Variants in COL4A2 observed in about 807,000 individuals in gnomAD.
COL4A2 encodes collagen alpha-2(IV) chain.
COL4A2 carries 99 observed loss-of-function variants against 200.2 expected under a neutral mutation model. The ratio of observed to expected loss-of-function variants is 0.49; its 90% confidence interval spans 0.42 to 0.58. The LOEUF is 0.58. Ranked by LOEUF, COL4A2 falls within the 20% of genes least tolerant of loss-of-function variation. The pLI, the probability that COL4A2 is intolerant of heterozygous loss-of-function variation, is 0.00. For synonymous variants in COL4A2, 897 were observed against 900.6 expected (o/e 1.00, Z 0.07); for missense variants, 1,950 against 2,314.1 (o/e 0.84, Z 3.23).
At chr13:110,326,950 G>A (rs1444587291) in intron 3 of COL4A2, among the ~76,000 whole-genome samples, 3 of 152,210 alleles carry the variant, frequency 2.0e-5, no homozygotes, top group African/African-American at 4.8e-5. Flanking sequence ...GCTTGGCTTC[G>A]TGATAAGCCT....
Position 110,432,374 on chromosome 13 carries a change from G to A in COL4A2, c.684+14G>A. ...AAAGGACAGCAAGTAAGTTGGTTTT[G>A]GGGGGTGAGGATGAGGGAAGGGGGT... is the stretch of plus-strand genomic sequence containing the variant. On this transcript the variant is annotated intron_variant, in intron 11 of 47. Transcript: ENST00000360467. The A allele has an allele frequency of 6.2e-7, 1 of 1,602,938 alleles. No individual in the cohort carries two copies. The highest frequency in any genetic ancestry group is 8.5e-7 in the Non-Finnish European group (1 of 1,174,886).
chr13:110,448,100 C>G (rs1283152920), intron 18 of COL4A2, among the ~76,000 whole-genome samples: 3 of 152,172 alleles, frequency 2.0e-5, no homozygotes, highest in African/African-American at 7.2e-5. Context: ...CTGGCATTTC[C>G]TGCCTCATCC....
At chr13:110,490,122 C>T (rs982110685) in intron 36 of COL4A2, among the ~76,000 whole-genome samples, 5 of 152,158 alleles carry the variant, frequency 3.3e-5, no homozygotes, top group Admixed American at 1.3e-4. Context: ...GGGCGTGCAG[C>T]AGGTGGTCGC....
chr13:110,352,005 G>A (rs544594653), intron 3 of COL4A2, among the ~76,000 whole-genome samples: 2 of 152,300 alleles, frequency 1.3e-5, no homozygotes, highest in East Asian at 3.9e-4. Flanking sequence ...AAGTTGGGGA[G>A]CACAGCAGTG....
intron 24 of COL4A2, among the ~76,000 whole-genome samples, chr13:110,463,934 T>C (rs1028760844): frequency 6.6e-6 from 1 of 152,162 alleles, no homozygotes; most frequent in Non-Finnish European, 1.5e-5. Context: ...GCAACAGGGT[T>C]AAATAAGAGG....
chr13:110,358,077 T>C (rs1316847279), intron 4 of COL4A2, among the ~76,000 whole-genome samples: 4 of 152,252 alleles, frequency 2.6e-5, no homozygotes, highest in Non-Finnish European at 5.9e-5. Flanking sequence ...CTTTATAAAC[T>C]GTTAAACTTT....
At chr13:110,471,176 A>C (rs1194311161) in intron 28 of COL4A2, among the ~76,000 whole-genome samples, 1 of 152,222 alleles carries the variant, frequency 6.6e-6, no homozygotes, top group Non-Finnish European at 1.5e-5. Context: ...TGAGTATGAA[A>C]GTTCTCTGGT....
intron 4 of COL4A2, among the ~76,000 whole-genome samples, chr13:110,366,724 G>C (rs917195096): frequency 3.3e-5 from 5 of 152,178 alleles, no homozygotes; most frequent in African/African-American, 1.2e-4. Flanking sequence ...GACATGGTTA[G>C]TGTCCTTCAT....
intron 29 of COL4A2, among the ~76,000 whole-genome samples, chr13:110,474,127 AAAAAGAAAAG>A (rs10535281): frequency 2.6e-5 from 4 of 151,100 alleles, no homozygotes; most frequent in Non-Finnish European, 5.9e-5. Context: ...ACTCTGTCTC[AAAAAGAAAAG>A]AAAAGAAAAG....
At position 110,342,992 on chromosome 13, in the gene COL4A2, G is replaced by C. The variant is rs374963484; in HGVS notation, c.100-14480G>C. On this transcript the variant is annotated intron_variant, in intron 3 of 47. Coordinates refer to ENST00000360467, the MANE Select transcript of COL4A2 (RefSeq NM_001846.4). ...CTGGCTCCTAAAATTTCACACTCAGGAGACTCTAAAAATCGTGCTCAAACC... is the reference window on the plus strand; with the variant it reads ...CTGGCTCCTAAAATTTCACACTCAGCAGACTCTAAAAATCGTGCTCAAACC... 1.7e-4 allele frequency among the ~76,000 whole-genome samples: 26 copies of C among 152,248 alleles called. No individual in the cohort carries two copies. The East Asian group carries it at 2.9e-3, about 17-fold the overall frequency.
intron 4 of COL4A2, among the ~76,000 whole-genome samples, chr13:110,423,782 G>A (rs748376640): frequency 1.8e-4 from 27 of 152,102 alleles, no homozygotes; most frequent in African/African-American, 5.6e-4. Context: ...GGATTTGAGC[G>A]TGCTAGGGAC....
At chr13:110,495,207 G>A in intron 39 of COL4A2, 135 bp from the exon 40 acceptor site, 1 of 996,976 alleles carries the variant, frequency 1.0e-6, no homozygotes, top group East Asian at 2.4e-5. Flanking sequence ...GCCATATATT[G>A]CAATGCAAGC....
chr13:110,367,147 G>A (rs1338587739), intron 4 of COL4A2, among the ~76,000 whole-genome samples: 3 of 152,310 alleles, frequency 2.0e-5, no homozygotes, highest in African/African-American at 4.8e-5. Flanking sequence ...AGCTTCCTGC[G>A]AAGCCACTGT....
chr13:110,354,252 G>T (rs1877092404), intron 3 of COL4A2, among the ~76,000 whole-genome samples: 1 of 152,192 alleles, frequency 6.6e-6, no homozygotes, highest in Non-Finnish European at 1.5e-5. Context: ...TGGGTCAACT[G>T]AGGACCTCTG....
intron 3 of COL4A2, among the ~76,000 whole-genome samples, chr13:110,316,078 T>C (rs1885122036): frequency 6.6e-6 from 1 of 152,226 alleles, no homozygotes; most frequent in African/African-American, 2.4e-5. Context: ...TTCCTAGGGA[T>C]TGTTTCAACC....
rs1300224707 is a variant in COL4A2 at position 110,432,428 on chromosome 13, T to G, written c.684+68T>G. 5 of 1,523,470 alleles carry G rather than the reference T, an allele frequency of 3.3e-6. No homozygotes were observed. In the East Asian group the frequency reaches 7.0e-5, roughly 21 times the overall value. 94.4% of individuals were successfully genotyped at this position (1,523,470 alleles called of 1,614,324 possible). ...TAGGTGTTTGTGGGTTTGTTTGTTT[T>G]TTACCATAAAACTTCTTGGTTGGCA... On this transcript the variant is annotated intron_variant, in intron 11 of 47. Transcript: ENST00000360467.
intron 32 of COL4A2, among the ~76,000 whole-genome samples, chr13:110,483,095 T>C (rs1882990256): frequency 6.6e-6 from 1 of 152,160 alleles, no homozygotes; most frequent in Non-Finnish European, 1.5e-5. Context: ...GGTCCACACA[T>C]GAGGTGGGTT....
intron 20 of COL4A2, among the ~76,000 whole-genome samples, chr13:110,452,533 A>G (rs56688234): frequency 0.39 from 59,187 of 152,134 alleles, 11,842 homozygotes; most frequent in Middle Eastern, 0.52. Context: ...GAAAATCATT[A>G]GAGTTATTAG....
chr13:110,311,783 C>T (rs7319030), intron 3 of COL4A2, among the ~76,000 whole-genome samples: 60,501 of 152,102 alleles, frequency 0.4, 13,006 homozygotes, highest in East Asian at 0.77. Context: ...TGGGTGGTCA[C>T]CTGAGGACCT....
Sources: allele counts gnomAD v4.1 joint callset (sites outside exome capture counted in the v4.1 genomes callset), GRCh38; gene constraint gnomAD v4.1.1; transcripts MANE v1.5; gene names NCBI Gene and HGNC (gene_info 2026-07-23, HGNC 2026-07-21).